MFSD8: variants seen among roughly 807,000 people sequenced by gnomAD.
The protein encoded by MFSD8 is major facilitator superfamily domain containing 8.
A neutral mutation model predicts 66.4 loss-of-function variants in MFSD8; 55 were observed. The ratio of observed to expected loss-of-function variants is 0.83; its 90% confidence interval spans 0.67 to 1.04. The LOEUF (loss-of-function observed/expected upper bound fraction) is 1.04. Ranked by LOEUF, MFSD8 falls within the 50% of genes least tolerant of loss-of-function variation. The pLI is 0.00. For missense variants in MFSD8, 550 were observed against 627.6 expected, an observed-to-expected ratio of 0.88 and a Z score of 1.32; for synonymous variants, 202 against 212.8, an observed-to-expected ratio of 0.95 and a Z score of 0.44.
chr4:127,942,036 A>G lies in MFSD8; in HGVS notation c.553+9T>C, dbSNP rs200092992. 6.2e-7 allele frequency: 1 copy of G among 1,602,716 alleles called. No homozygotes were observed. The highest frequency in any genetic ancestry group is 1.1e-5 in the South Asian group (1 of 90,814). Reference sequence around the variant, plus strand: ...CAAATTCAAGTAATGACATGTGAAGAACACCTACCTGGACCTAGAATAAAA... The same window carrying G: ...CAAATTCAAGTAATGACATGTGAAGGACACCTACCTGGACCTAGAATAAAA... On this transcript the variant is annotated intron_variant, in intron 5 of 11. Coordinates refer to ENST00000641686, the MANE Select transcript of MFSD8 (RefSeq NM_001371596.2).
At chr4:127,949,774 TA>T in intron 3 of MFSD8, 29 bp downstream of exon 3, 1 of 1,597,486 alleles carries the variant, frequency 6.3e-7, no homozygotes, top group Non-Finnish European at 8.6e-7. Context: ...ACTGTAGCTA[TA>T]AGGGAAAAAT....
At chr4:127,943,579 G>A in intron 4 of MFSD8, 173 bp downstream of exon 4, 1 of 693,188 alleles carries the variant, frequency 1.4e-6, no homozygotes, top group Non-Finnish European at 2.4e-6. Context: ...TAGGTAATGA[G>A]AACATCATGA....
chr4:127,953,622 T>TG (rs1359355378), intron 2 of MFSD8, among the ~76,000 whole-genome samples: 8 of 145,136 alleles, frequency 5.5e-5, no homozygotes, highest in Non-Finnish European at 1.2e-4. Context: ...GGTGTGATCT[T>TG]GGCTCAGTGC....
intron 9 of MFSD8, among the ~76,000 whole-genome samples, chr4:127,922,203 A>C (rs1274467576): frequency 2.0e-5 from 3 of 152,234 alleles, no homozygotes; most frequent in African/African-American, 7.2e-5. Flanking sequence ...AAAGCACAGA[A>C]GTTATCAGTG....
intron 6 of MFSD8, 191 bp downstream of exon 6, chr4:127,939,662 G>C: frequency 4.2e-6 from 1 of 238,014 alleles, no homozygotes; most frequent in Non-Finnish European, 7.7e-6. Context: ...TTCCTTTTCT[G>C]TTCTCATTTA....
intron 4 of MFSD8, among the ~76,000 whole-genome samples, chr4:127,942,591 A>T (rs944164145): frequency 6.6e-6 from 1 of 151,952 alleles, no homozygotes; most frequent in East Asian, 1.9e-4. Flanking sequence ...GAGGCAGAAG[A>T]ACTGCTTGAA....
chr4:127,926,813 A>G, intron 9 of MFSD8, among the ~76,000 whole-genome samples: 1 of 152,222 alleles, frequency 6.6e-6, no homozygotes, highest in East Asian at 1.9e-4. Context: ...TGTCCAACTT[A>G]GAACTGTTCA....
rs28544073 is a variant in MFSD8 at position 127,939,961 on chromosome 4, C to A, written c.590G>T (p.Gly197Val). 2 of 1,613,456 alleles carry A rather than the reference C, an allele frequency of 1.2e-6. No homozygotes were observed. The highest frequency in any genetic ancestry group is 2.2e-5 in the East Asian group (1 of 44,766). ...QTCFTFLGEK[G>V]VTWDVIKLQI... ...CAGTTTAATCACATCCCATGTCACA[C>A]CTTTTTCTCCAAGGAATGTAAAACA... Residue 197 changes from glycine to valine, a missense_variant, in exon 6 of 12, where the codon GGT (glycine) becomes GTT (valine). Coordinates refer to ENST00000641686, the MANE Select transcript of MFSD8 (RefSeq NM_001371596.2).
chr4:127,965,302 G>T (rs764957776), upstream of MFSD8: 1 of 758,270 alleles, frequency 1.3e-6, no homozygotes, highest in South Asian at 1.6e-5. Flanking sequence ...GCGGAAGGCC[G>T]GGCAGCGCAG....
intron 9 of MFSD8, among the ~76,000 whole-genome samples, chr4:127,926,494 C>T (rs1737234494): frequency 6.6e-6 from 1 of 151,678 alleles, no homozygotes; most frequent in Admixed American, 6.6e-5. Context: ...TTACCACTAT[C>T]TGACTTCACA....
At chr4:127,965,290 A>G (rs1744900835), upstream of MFSD8, 3 of 900,258 alleles carry the variant, frequency 3.3e-6, no homozygotes, top group East Asian at 7.9e-5. Flanking sequence ...AGGCGGGGTC[A>G]CGCGGAAGGC....
chr4:127,944,803 G>A (rs1740772425), intron 3 of MFSD8, among the ~76,000 whole-genome samples: 1 of 152,230 alleles, frequency 6.6e-6, no homozygotes, highest in South Asian at 2.1e-4. Context: ...CAGGACTACA[G>A]GTATGCACCA....
At chr4:127,953,653 A>T (rs1463433652) in intron 2 of MFSD8, among the ~76,000 whole-genome samples, 1 of 139,754 alleles carries the variant, frequency 7.2e-6, no homozygotes, top group African/African-American at 2.7e-5. Context: ...TCCTGGGTTC[A>T]AGTGTATTTT....
intron 4 of MFSD8, chr4:127,943,390 G>GTTT: frequency 1.2e-4 from 24 of 197,106 alleles, no homozygotes; most frequent in South Asian, 4.5e-4. Flanking sequence ...TTTGTTTTGG[G>GTTT]TTTTTTTTTT....
Position 127,965,129 on chromosome 4 carries a change from G to A in MFSD8, c.5C>T (p.Ala2Val), listed in dbSNP as rs867524398. Residue 2 changes from alanine (A) to valine (V), a missense_variant, in exon 1 of 12, where the codon GCC (alanine) becomes GTC (valine). Coordinates refer to ENST00000641686, the MANE Select transcript of MFSD8 (RefSeq NM_001371596.2). ...CTGTTCACTTTCGTTCCGCAGGCCG[G>A]CCATAGTTACACTCCCTACAAGGCG... M[A>V]GLRNESEQEP... 1.2e-6 allele frequency: 2 copies of A among 1,613,942 alleles called. No individual in the cohort carries two copies. The highest frequency in any genetic ancestry group is 1.7e-5 in the Admixed American group (1 of 60,016).
intron 1 of MFSD8, among the ~76,000 whole-genome samples, chr4:127,959,468 G>A (rs1310171638): frequency 6.6e-6 from 1 of 152,064 alleles, no homozygotes; most frequent in Non-Finnish European, 1.5e-5. Context: ...ACTATGTATT[G>A]CATGATATTC....
Position 127,942,134 on chromosome 4 carries a change from T to C in MFSD8, c.464A>G (p.Tyr155Cys). Residue 155 changes from tyrosine (Y) to cysteine (C), a missense_variant, in exon 5 of 12, where the codon TAT (tyrosine) becomes TGT (cysteine). Tyr to Cys is a radical substitution (Grantham distance 194, BLOSUM62 -2). Transcript: ENST00000641686. ...CTGAAGGGAAGTAGCACCAGCAGTA[T>C]ATGATCTAACAACTGCTACATTTCC... ...GAGNVAVVRS[Y>C]TAGATSLQER... 6.2e-7 allele frequency: 1 copy of C among 1,612,962 alleles called. No homozygotes were observed. Among genetic ancestry groups the C allele is most frequent in the Non-Finnish European group, 8.5e-7 (1 of 1,178,994 alleles).
At chr4:127,922,963 C>G (rs866043062) in intron 9 of MFSD8, among the ~76,000 whole-genome samples, 8 of 152,166 alleles carry the variant, frequency 5.3e-5, no homozygotes, top group African/African-American at 1.9e-4. Flanking sequence ...GATATAAGCA[C>G]ATATTCCCAC....
chr4:127,938,050 A>G (rs1739362278), intron 7 of MFSD8, among the ~76,000 whole-genome samples: 1 of 152,158 alleles, frequency 6.6e-6, no homozygotes, highest in South Asian at 2.1e-4. Context: ...AAAGATGAAA[A>G]TGTATATTTC....
Sources: allele counts gnomAD v4.1 joint callset (sites outside exome capture counted in the v4.1 genomes callset), GRCh38; gene constraint gnomAD v4.1.1; transcripts MANE v1.5; gene names NCBI Gene and HGNC (gene_info 2026-07-23, HGNC 2026-07-21).